RAI14: variants seen among roughly 807,000 people sequenced by gnomAD.
RAI14 encodes the protein retinoic acid induced 14, also known as ankycorbin.
In RAI14, 45 loss-of-function variants were observed where a neutral mutation model predicts 115.4. That is an observed-to-expected ratio of 0.39 (90% CI 0.31 to 0.50). The LOEUF is 0.50. RAI14 is among the 20% of genes least tolerant of loss of function. RAI14 has a pLI of 0.85. For missense variants in RAI14, 939 were observed against 1,131.2 expected, an observed-to-expected ratio of 0.83 and a Z score of 2.44; for synonymous variants, 371 against 415.4, an observed-to-expected ratio of 0.89 and a Z score of 1.30.
In RAI14 at chr5:34,814,613, A is replaced by T. The variant is rs1364059407; in HGVS notation, c.883A>T (p.Thr295Ser). 1 of 1,613,500 alleles carries T rather than the reference A, an allele frequency of 6.2e-7. No individual in the cohort carries two copies. Among genetic ancestry groups the T allele is most frequent in the Non-Finnish European group, 8.5e-7 (1 of 1,179,622 alleles). ...LSDVSSPRSI[T>S]STPLSGKESV... ...TGATGTCTCTTCCCCAAGATCAATA[A>T]CTTCGACTCCACTATCGGGAAAGGA... The change falls in exon 12 of 18, where the codon ACT (threonine) becomes TCT (serine). Residue 295 changes from threonine to serine, a missense_variant. Coordinates refer to ENST00000265109, the MANE Select transcript of RAI14 (RefSeq NM_015577.3).
intron 3 of RAI14, among the ~76,000 whole-genome samples, chr5:34,764,540 TC>T (rs56961376): frequency 0.12 from 17,197 of 142,018 alleles, 1,002 homozygotes; most frequent in South Asian, 0.17. Context: ...GTGAATTTTC[TC>T]TCTCTCTCTC....
chr5:34,787,776 A>G (rs1752465192), intron 3 of RAI14, among the ~76,000 whole-genome samples: 1 of 151,700 alleles, frequency 6.6e-6, no homozygotes, highest in Non-Finnish European at 1.5e-5. Context: ...AAAAGATTAA[A>G]TTCTCATTTA....
rs35823753 is a variant in RAI14 at position 34,746,404 on chromosome 5, CT to C, written c.37-11050del. On this transcript the variant is annotated intron_variant, in intron 2 of 17. Transcript: ENST00000265109. ...ACAGGTGTGAGCCGCTGCGCCTGGC[CT>C]TTTTTTTTTTTTTAACGGAGACAGA... 4.4e-3 allele frequency among the ~76,000 whole-genome samples: 598 copies of C among 136,566 alleles called. 1 individual carries two copies. Among genetic ancestry groups the C allele is most frequent in the Middle Eastern group, 4.4e-3 (1 of 226 alleles). The allele number at this position is 136,566 out of a possible 152,430, so 89.6% of individuals were successfully genotyped here. A position where few individuals can be genotyped will look rare whatever the true frequency, so the allele number is the denominator to read the frequency against.
At chr5:34,822,157 A>T (rs909033359) in intron 14 of RAI14, among the ~76,000 whole-genome samples, 11 of 147,806 alleles carry the variant, frequency 7.4e-5, no homozygotes, top group Non-Finnish European at 1.2e-4. Context: ...AAAATATACT[A>T]TATGCATAGA....
chr5:34,826,805 G>A (rs944930250), intron 16 of RAI14, among the ~76,000 whole-genome samples: 3 of 152,070 alleles, frequency 2.0e-5, no homozygotes, highest in African/African-American at 7.2e-5. Context: ...CCCATCTCTG[G>A]CAGTGGCAAG....
intron 2 of RAI14, among the ~76,000 whole-genome samples, chr5:34,727,235 C>T (rs1743580908): frequency 6.6e-6 from 1 of 152,196 alleles, no homozygotes; most frequent in Admixed American, 6.5e-5. Flanking sequence ...GGATTTTGCC[C>T]CTGCCCTAGA....
At chr5:34,720,571 C>T (rs1742572050) in intron 2 of RAI14, among the ~76,000 whole-genome samples, 2 of 152,018 alleles carry the variant, frequency 1.3e-5, no homozygotes, top group Non-Finnish European at 2.9e-5. Context: ...CCACCACGCC[C>T]AGCTAATTTT....
chr5:34,689,259 G>T (rs138694015), intron 2 of RAI14, among the ~76,000 whole-genome samples: 6 of 152,032 alleles, frequency 3.9e-5, no homozygotes, highest in Admixed American at 6.6e-5. Context: ...TAAAAAATTA[G>T]CCGCCTATGG....
chr5:34,771,999 C>A (rs1437095151), intron 3 of RAI14, among the ~76,000 whole-genome samples: 2 of 152,148 alleles, frequency 1.3e-5, no homozygotes, highest in Non-Finnish European at 2.9e-5. Context: ...CTCTCAACCT[C>A]CTAGGCTTAA....
In RAI14 at chr5:34,665,198, T is replaced by TATATATATATAC. The variant is rs369742853; in HGVS notation, c.-49+8724_-49+8725insTATATATATACA. On this transcript the variant is annotated intron_variant, in intron 1 of 17. Coordinates refer to ENST00000265109, the MANE Select transcript of RAI14 (RefSeq NM_015577.3). The stretch of plus-strand genomic sequence containing the variant: ...ACACACATATATATATGTATATATA[T>TATATATATATAC]ACACACACCACAGTTTCTTTATCCA... Among the ~76,000 whole-genome samples the TATATATATATAC allele has an allele frequency of 2.6e-5, 2 of 75,718 alleles. 1 individual carries two copies. Among genetic ancestry groups the TATATATATATAC allele is most frequent in the Admixed American group, 2.9e-4 (2 of 6,944 alleles). 49.7% of individuals were successfully genotyped at this position (75,718 alleles called of 152,430 possible). A position where few individuals can be genotyped will look rare whatever the true frequency, so the allele number is the denominator to read the frequency against.
chr5:34,831,859 A>C lies in RAI14; in HGVS notation c.*1094A>C, dbSNP rs1758037045. The C allele has an allele frequency of 6.6e-6, 1 of 152,126 alleles. No individual in the cohort carries two copies. Among genetic ancestry groups the C allele is most frequent in the Non-Finnish European group, 1.5e-5 (1 of 68,018 alleles). 9.4% of individuals were successfully genotyped at this position (152,126 alleles called of 1,614,324 possible). Reference sequence around the variant, plus strand: ...CTTCAGAATTGTAGCGCATTTCTGAATCTAGCAAATCCTCCTTTTACCCGT... The same window carrying C: ...CTTCAGAATTGTAGCGCATTTCTGACTCTAGCAAATCCTCCTTTTACCCGT... On this transcript the variant is annotated 3_prime_UTR_variant, in exon 18 of 18. Transcript: ENST00000265109.
rs1224729925 is a variant in RAI14 at position 34,791,310 on chromosome 5, G to T, written c.168-4629G>T. On this transcript the variant is annotated intron_variant, in intron 3 of 17. Coordinates refer to ENST00000265109, the MANE Select transcript of RAI14 (RefSeq NM_015577.3). This position sits in a 1 kb window ranked among gnomAD's most constrained non-coding sequence, Gnocchi z 5.4. The stretch of plus-strand genomic sequence containing the variant: ...CTAAAGTCATTTGTTTTTCTTACCC[G>T]TGGAGAGGTGTATTCTTGAACCCTT... 6.6e-6 allele frequency among the ~76,000 whole-genome samples: 1 copy of T among 152,016 alleles called. No individual in the cohort carries two copies. The highest frequency in any genetic ancestry group is 2.1e-4 in the South Asian group (1 of 4,816).
chr5:34,720,914 C>T (rs1301377089), intron 2 of RAI14, among the ~76,000 whole-genome samples: 1 of 151,964 alleles, frequency 6.6e-6, no homozygotes, highest in African/African-American at 2.4e-5. Flanking sequence ...TGGCCACAAA[C>T]TCCTGGGCTC....
chr5:34,690,721 T>G (rs934942492), intron 2 of RAI14, among the ~76,000 whole-genome samples: 1 of 152,152 alleles, frequency 6.6e-6, no homozygotes, highest in Non-Finnish European at 1.5e-5. Flanking sequence ...TTAAATCTAT[T>G]TGGGACCCTG....
intron 2 of RAI14, among the ~76,000 whole-genome samples, chr5:34,713,918 G>T (rs1174506400): frequency 6.6e-6 from 1 of 152,128 alleles, no homozygotes; most frequent in Non-Finnish European, 1.5e-5. Flanking sequence ...CGATTCTCCT[G>T]CCTCAGCCTC....
At chr5:34,674,345 G>A (rs1743824295) in intron 1 of RAI14, among the ~76,000 whole-genome samples, 1 of 152,190 alleles carries the variant, frequency 6.6e-6, no homozygotes, top group African/African-American at 2.4e-5. Context: ...TGCGATCATT[G>A]TAAATGACGT....
At chr5:34,735,956 C>G (rs746857269) in intron 2 of RAI14, among the ~76,000 whole-genome samples, 1 of 152,220 alleles carries the variant, frequency 6.6e-6, no homozygotes, top group Non-Finnish European at 1.5e-5. Context: ...GTGATCATGA[C>G]AAAATAGTGA....
chr5:34,776,273 G>T lies in RAI14; in HGVS notation c.167+18675G>T, dbSNP rs543167892. ...TTACCACAGGATGGGAAGGGTAGTGGGTTGGGGGAAAGTGGGGAGGTTAAT... is the reference window on the plus strand; with the variant it reads ...TTACCACAGGATGGGAAGGGTAGTGTGTTGGGGGAAAGTGGGGAGGTTAAT... On this transcript the variant is annotated intron_variant, in intron 3 of 17. Transcript: ENST00000265109. 1.5e-3 allele frequency among the ~76,000 whole-genome samples: 228 copies of T among 152,252 alleles called. 3 individuals are homozygous for T. The highest frequency in any genetic ancestry group is 0.011 in the South Asian group (53 of 4,828).
chr5:34,746,103 C>CTT (rs1256483202), intron 2 of RAI14, among the ~76,000 whole-genome samples: 2 of 108,988 alleles, frequency 1.8e-5, no homozygotes, highest in Admixed American at 9.4e-5. Context: ...CCCCCCCCGC[C>CTT]TTTTTTTTTT....
Sources: allele counts gnomAD v4.1 joint callset (sites outside exome capture counted in the v4.1 genomes callset), GRCh38; gene constraint gnomAD v4.1.1; non-coding constraint Gnocchi (gnomAD v3.1); transcripts MANE v1.5; gene names NCBI Gene and HGNC (gene_info 2026-07-23, HGNC 2026-07-21).